SMG6: variants seen among roughly 807,000 people sequenced by gnomAD.
SMG6 encodes telomerase-binding protein EST1A.
In SMG6, 66 loss-of-function variants were observed where a neutral mutation model predicts 142.2. That is an observed-to-expected ratio of 0.46 (90% CI 0.38 to 0.57). The LOEUF (loss-of-function observed/expected upper bound fraction) is 0.57, where lower values mean the gene tolerates loss of function less well. SMG6 is among the 20% of genes least tolerant of loss of function. The pLI is 0.00. For missense variants in SMG6, 1,793 were observed against 1,832.0 expected (o/e 0.98, Z 0.39); for synonymous variants, 779 against 702.4 (o/e 1.11, Z -1.72).
chr17:2,184,942 C>G (rs1208127690), intron 12 of SMG6, among the ~76,000 whole-genome samples: 10 of 107,030 alleles, frequency 9.3e-5, no homozygotes, highest in Non-Finnish European at 1.7e-4. Context: ...GCCTGGGAGA[C>G]AGAGCGGGAC....
At chr17:2,262,228 A>G (rs1418645765) in intron 8 of SMG6, among the ~76,000 whole-genome samples, 1 of 152,244 alleles carries the variant, frequency 6.6e-6, no homozygotes, top group Non-Finnish European at 1.5e-5. Context: ...CTTATTCCTA[A>G]GCCAAGCTGG....
chr17:2,279,341 G>C (rs931733962), intron 8 of SMG6, among the ~76,000 whole-genome samples: 1 of 152,216 alleles, frequency 6.6e-6, no homozygotes, highest in African/African-American at 2.4e-5. Flanking sequence ...TATGAAAAGT[G>C]TAAGATTTGA....
intron 8 of SMG6, among the ~76,000 whole-genome samples, chr17:2,258,516 C>T (rs2074242577): frequency 6.8e-6 from 1 of 147,790 alleles, no homozygotes; most frequent in Admixed American, 6.9e-5. Context: ...AAGACTGCAC[C>T]ACTGCACTCC....
intron 8 of SMG6, among the ~76,000 whole-genome samples, chr17:2,250,715 G>A (rs543920056): frequency 6.6e-6 from 1 of 152,142 alleles, no homozygotes; most frequent in South Asian, 2.1e-4. Flanking sequence ...AAACTTTCTT[G>A]CATTTTAGAA....
At chr17:2,061,960 T>G in intron 18 of SMG6, 1 of 199,200 alleles carries the variant, frequency 5.0e-6, no homozygotes, top group East Asian at 1.4e-4. Context: ...TTTTACCACA[T>G]GGCTGGCCCC....
intron 10 of SMG6, among the ~76,000 whole-genome samples, chr17:2,225,148 G>A (rs1041182014): frequency 6.6e-6 from 1 of 151,972 alleles, no homozygotes; most frequent in African/African-American, 2.4e-5. Flanking sequence ...CAGATAGAGG[G>A]TCTGAAATGC....
chr17:2,155,600 G>C (rs1446932852), intron 13 of SMG6, among the ~76,000 whole-genome samples: 1 of 152,168 alleles, frequency 6.6e-6, no homozygotes, highest in Admixed American at 6.5e-5. Context: ...TGAAAGCAGT[G>C]AGCCTGAAGA....
At chr17:2,269,986 G>A (rs1049846898) in intron 8 of SMG6, among the ~76,000 whole-genome samples, 2 of 151,996 alleles carry the variant, frequency 1.3e-5, no homozygotes, top group Non-Finnish European at 2.9e-5. Context: ...CTATGATGGC[G>A]CCCCTATGCT....
At chr17:2,089,552 A>C (rs1379441387) in intron 13 of SMG6, 1 of 152,576 alleles carries the variant, frequency 6.6e-6, no homozygotes, top group Non-Finnish European at 1.5e-5. Flanking sequence ...GAGCTGAAAG[A>C]AAGCCCCTTT....
chr17:2,099,737 T>G (rs1267949845), intron 13 of SMG6, among the ~76,000 whole-genome samples: 2 of 152,234 alleles, frequency 1.3e-5, no homozygotes, highest in Non-Finnish European at 2.9e-5. Context: ...AGCAAATGGC[T>G]GCCATACAGA....
chr17:2,285,348 A>G (rs1407847465), intron 6 of SMG6, among the ~76,000 whole-genome samples: 1 of 152,218 alleles, frequency 6.6e-6, no homozygotes, highest in Non-Finnish European at 1.5e-5. Flanking sequence ...AGACAGACAG[A>G]AAAAAGAGGG....
chr17:2,138,165 C>T (rs1597453287), intron 13 of SMG6, among the ~76,000 whole-genome samples: 1 of 151,564 alleles, frequency 6.6e-6, no homozygotes, highest in African/African-American at 2.4e-5. Context: ...AAAAAAAACA[C>T]CCTGGAATTT....
intron 13 of SMG6, among the ~76,000 whole-genome samples, chr17:2,116,071 T>A (rs2069496001): frequency 6.6e-6 from 1 of 152,092 alleles, no homozygotes; most frequent in African/African-American, 2.4e-5. Context: ...CTATTTATTA[T>A]TTCATTTATT....
chr17:2,130,160 T>C (rs1176602376), intron 13 of SMG6, among the ~76,000 whole-genome samples: 2 of 148,540 alleles, frequency 1.3e-5, no homozygotes, highest in Non-Finnish European at 3.0e-5. Flanking sequence ...CTCGGGAGGC[T>C]GAGGCAGGAG....
In SMG6 at chr17:2,146,393, C is replaced by G. The variant is rs150245359; in HGVS notation, c.3357+26265G>C. On this transcript the variant is annotated intron_variant, in intron 13 of 18. Transcript: ENST00000263073. Reference sequence around the variant, plus strand: ...AGGCAACCCCATACTGGGAGATGAACAGATATGAGTAAGTAGGTCACCTGT... The same window carrying G: ...AGGCAACCCCATACTGGGAGATGAAGAGATATGAGTAAGTAGGTCACCTGT... Among the ~76,000 whole-genome samples, 248 of 152,292 alleles carry G rather than the reference C, an allele frequency of 1.6e-3. 1 individual carries two copies. Among genetic ancestry groups the G allele is most frequent in the African/African-American group, 5.7e-3 (235 of 41,550 alleles).
At chr17:2,189,299 T>A (rs1416981742) in intron 10 of SMG6, among the ~76,000 whole-genome samples, 1 of 152,156 alleles carries the variant, frequency 6.6e-6, no homozygotes, top group Non-Finnish European at 1.5e-5. Flanking sequence ...GTGGGCAGAA[T>A]TATTCTTTGG....
At chr17:2,256,557 T>C (rs1178851678) in intron 8 of SMG6, among the ~76,000 whole-genome samples, 2 of 151,738 alleles carry the variant, frequency 1.3e-5, no homozygotes, top group Admixed American at 6.6e-5. Context: ...AGCTCAGGAG[T>C]TTGAGACCAG....
chr17:2,096,773 CAAGACA>C (rs2068867784), intron 13 of SMG6, among the ~76,000 whole-genome samples: 1 of 152,172 alleles, frequency 6.6e-6, no homozygotes, highest in African/African-American at 2.4e-5. Flanking sequence ...CAAGACAAGA[CAAGACA>C]AGACAGATGC....
intron 15 of SMG6, among the ~76,000 whole-genome samples, chr17:2,069,378 A>C (rs865962056): frequency 3.3e-5 from 5 of 152,072 alleles, no homozygotes; most frequent in Non-Finnish European, 2.9e-5. Flanking sequence ...AGCTAAAACA[A>C]AACAAAACAA....
Sources: gnomAD v4.1 joint callset for allele counts (sites outside exome capture counted in the v4.1 genomes callset) on GRCh38, gnomAD v4.1.1 for gene constraint, MANE v1.5 for transcripts, NCBI Gene and HGNC (gene_info 2026-07-23, HGNC 2026-07-21) for gene names.